DTX4: variants seen among roughly 807,000 people sequenced by gnomAD.
DTX4 encodes the protein deltex E3 ubiquitin ligase 4.
DTX4 carries 28 observed loss-of-function variants against 57.6 expected under a neutral mutation model. That is an observed-to-expected ratio of 0.49 (90% confidence interval 0.36 to 0.67). The LOEUF (loss-of-function observed/expected upper bound fraction) is 0.67. Ranked by LOEUF, DTX4 falls within the 30% of genes least tolerant of loss-of-function variation. The probability of loss-of-function intolerance (pLI) is 0.00; values close to 1 mark genes in which losing one functional copy is unlikely to be tolerated. For missense variants in DTX4, 715 were observed against 836.8 expected, an observed-to-expected ratio of 0.85 and a Z score of 1.80; for synonymous variants, 316 against 331.0, an observed-to-expected ratio of 0.95 and a Z score of 0.49.
chr11:59,178,540 G>A lies in DTX4; in HGVS notation c.212-3199G>A, dbSNP rs572609836. ...TGATTAAATATTAAAGTAGCCAGAAGTCTTCAATCAGTCACAGCAGTTTCT... is the reference window on the plus strand; with the variant it reads ...TGATTAAATATTAAAGTAGCCAGAAATCTTCAATCAGTCACAGCAGTTTCT... On this transcript the variant is annotated intron_variant, in intron 1 of 8. Transcript: ENST00000227451. Among the ~76,000 whole-genome samples the A allele has an allele frequency of 3.9e-3, 595 of 152,342 alleles. 2 individuals are homozygous for A. Among genetic ancestry groups the A allele is most frequent in the Non-Finnish European group, 6.3e-3 (427 of 68,040 alleles).
chr11:59,190,187 C>A (rs1350763893), intron 4 of DTX4, among the ~76,000 whole-genome samples: 1 of 152,200 alleles, frequency 6.6e-6, no homozygotes, highest in African/African-American at 2.4e-5. Flanking sequence ...CTTTTCCAGT[C>A]CGTCAAGATT....
intron 6 of DTX4, among the ~76,000 whole-genome samples, chr11:59,193,117 T>A (rs1862620254): frequency 6.6e-6 from 1 of 151,794 alleles, no homozygotes; most frequent in Middle Eastern, 3.2e-3. Context: ...TATACGTCTG[T>A]CTGGTCTGGT....
chr11:59,177,969 G>A (rs560454709), intron 1 of DTX4, among the ~76,000 whole-genome samples: 2 of 152,252 alleles, frequency 1.3e-5, no homozygotes, highest in African/African-American at 4.8e-5. Context: ...CTAGTGAAGG[G>A]GACAGATATT....
intron 8 of DTX4, among the ~76,000 whole-genome samples, chr11:59,202,691 G>A (rs1360080775): frequency 2.0e-5 from 3 of 152,018 alleles, no homozygotes; most frequent in Admixed American, 1.3e-4. Context: ...TAACCCCACC[G>A]CCCCTAGCCA....
intron 7 of DTX4, among the ~76,000 whole-genome samples, 162 bp from the exon 8 acceptor site, chr11:59,199,522 A>C (rs1355267509): frequency 6.6e-6 from 1 of 152,204 alleles, no homozygotes; most frequent in African/African-American, 2.4e-5. Context: ...ACACAGAAAC[A>C]CGTGCTAAAT....
Position 59,182,274 on chromosome 11 carries a change from A to T in DTX4, c.747A>T (p.Pro249=). 6.2e-7 allele frequency: 1 copy of T among 1,612,314 alleles called. No homozygotes were observed. The highest frequency in any genetic ancestry group is 8.5e-7 in the Non-Finnish European group (1 of 1,179,832). Residue 249 remains proline (P), a synonymous_variant, in exon 2 of 9, where the codon CCA becomes CCT. Transcript: ENST00000227451. ...ACAGCACAGGCACCATTCGAGGCCC[A>T]CTGAAGACCGCCCCATCGCAGGTGA... The part of the protein sequence containing the change: ...PLDSTGTIRG[P]LKTAPSQVIR...
At chr11:59,172,939 G>T in intron 1 of DTX4, 133 bp downstream of exon 1, 1 of 604,078 alleles carries the variant, frequency 1.7e-6, no homozygotes, top group Non-Finnish European at 2.8e-6. Flanking sequence ...AGAGGTGGTG[G>T]TGGGAGGCGA....
intron 1 of DTX4, among the ~76,000 whole-genome samples, chr11:59,175,843 G>A (rs1862389016): frequency 6.6e-6 from 1 of 151,950 alleles, no homozygotes; most frequent in Admixed American, 6.6e-5. Flanking sequence ...CTCATTCCAG[G>A]CTCACTGTTT....
intron 8 of DTX4, among the ~76,000 whole-genome samples, chr11:59,202,695 C>G (rs1317180724): frequency 1.3e-5 from 2 of 152,218 alleles, no homozygotes; most frequent in Non-Finnish European, 2.9e-5. Flanking sequence ...CCCACCGCCC[C>G]TAGCCACTTA....
chr11:59,178,560 G>C (rs933565453), intron 1 of DTX4, among the ~76,000 whole-genome samples: 1 of 152,224 alleles, frequency 6.6e-6, no homozygotes, highest in Non-Finnish European at 1.5e-5. Context: ...AGTCACAGCA[G>C]TTTCTGGAGC....
Position 59,199,778 on chromosome 11 carries a change from G to T in DTX4, c.1626+5G>T. 1 of 1,556,930 alleles carries T rather than the reference G, an allele frequency of 6.4e-7. No individual in the cohort carries two copies. Among genetic ancestry groups the T allele is most frequent in the South Asian group, 1.2e-5 (1 of 84,242 alleles). ...GACAGCGAGAAAGGGAGAAAAGTAA[G>T]ACCGGAAGTTTCCACATAGAACTAG... On this transcript the variant is annotated splice_donor_5th_base_variant and intron_variant, in intron 8 of 8. Transcript: ENST00000227451.
chr11:59,179,874 C>T (rs557359078), intron 1 of DTX4, among the ~76,000 whole-genome samples: 4 of 151,996 alleles, frequency 2.6e-5, no homozygotes, highest in East Asian at 1.9e-4. Context: ...AACTTTTTCT[C>T]TCTCTCTTTC....
At chr11:59,191,039 C>T in intron 4 of DTX4, 75 bp from the exon 5 acceptor site, 1 of 1,423,022 alleles carries the variant, frequency 7.0e-7, no homozygotes, top group Non-Finnish European at 9.7e-7. Flanking sequence ...TCCCCCTCTA[C>T]CATGTCTAGC....
intron 1 of DTX4, among the ~76,000 whole-genome samples, chr11:59,180,282 C>A (rs925902899): frequency 6.6e-6 from 1 of 152,120 alleles, no homozygotes; most frequent in Non-Finnish European, 1.5e-5. Flanking sequence ...TTGTCTCCCC[C>A]TCCCCTGCCC....
intron 1 of DTX4, among the ~76,000 whole-genome samples, chr11:59,178,206 G>T (rs1435016093): frequency 6.6e-6 from 1 of 152,132 alleles, no homozygotes; most frequent in East Asian, 1.9e-4. Flanking sequence ...AATGAGGAGA[G>T]ATTGAAGGCC....
Position 59,191,957 on chromosome 11 carries a change from T to C in DTX4, c.1222-141T>C, listed in dbSNP as rs554781015. The C allele has an allele frequency of 6.8e-5, 61 of 890,546 alleles. No individual in the cohort carries two copies. In the African/African-American group the frequency reaches 7.3e-4, roughly 11 times the overall value. 55.2% of individuals were successfully genotyped at this position (890,546 alleles called of 1,614,324 possible). A position where few individuals can be genotyped will look rare whatever the true frequency, so the allele number is the denominator to read the frequency against. On this transcript the variant is annotated intron_variant, in intron 5 of 8. Transcript: ENST00000227451. ...TGTAAAGACAAAACGATATTTAGAT[T>C]CCAGAAAGCACTTACACCCTGATTT...
chr11:59,204,621 A>G (rs1455205709), intron 8 of DTX4, 55 bp from the exon 9 acceptor site: 63 of 1,492,660 alleles, frequency 4.2e-5, no homozygotes, highest in Non-Finnish European at 5.6e-5. Flanking sequence ...TCCAAGGGAT[A>G]GTCTTTGACT....
chr11:59,200,318 G>A lies in DTX4; in HGVS notation c.1626+545G>A, dbSNP rs796631447. 1.3e-4 allele frequency among the ~76,000 whole-genome samples: 20 copies of A among 152,362 alleles called. 1 individual carries two copies. Among genetic ancestry groups the A allele is most frequent in the African/African-American group, 4.8e-4 (20 of 41,580 alleles). ...GGGAATTATGGGAACTACAATTCAA[G>A]ATGAGGTTTGGGTGGGGACACAGCC... On this transcript the variant is annotated intron_variant, in intron 8 of 8. Transcript: ENST00000227451.
At chr11:59,188,041 A>G (rs1478296614) in intron 2 of DTX4, among the ~76,000 whole-genome samples, 1 of 152,200 alleles carries the variant, frequency 6.6e-6, no homozygotes, top group Non-Finnish European at 1.5e-5. Context: ...TTCTAAAAAC[A>G]TCTTAGGTGA....
Sources: gnomAD v4.1 joint callset for allele counts (sites outside exome capture counted in the v4.1 genomes callset) on GRCh38, gnomAD v4.1.1 for gene constraint, MANE v1.5 for transcripts, NCBI Gene and HGNC (gene_info 2026-07-23, HGNC 2026-07-21) for gene names.